The following PCYT1A variants were observed in gnomAD, a reference collection of about 807,000 sequenced individuals.
PCYT1A encodes choline-phosphate cytidylyltransferase A.
Under a neutral mutation model 43.7 loss-of-function variants are expected in PCYT1A, and 25 were observed. That is an observed-to-expected ratio of 0.57 (90% CI 0.42 to 0.80). The LOEUF is 0.80. PCYT1A is among the 30% of genes least tolerant of loss of function. The probability of loss-of-function intolerance (pLI) is 0.00; values close to 1 mark genes in which losing one functional copy is unlikely to be tolerated. For synonymous variants in PCYT1A, 172 were observed against 170.7 expected (o/e 1.01, Z -0.06); for missense variants, 421 against 474.2 (o/e 0.89, Z 1.04).
At chr3:196,248,021 G>A (rs1724623780) in intron 4 of PCYT1A, 186 bp downstream of exon 4, 3 of 606,260 alleles carry the variant, frequency 4.9e-6, no homozygotes, top group African/African-American at 1.8e-5. Context: ...GCACAGTCGA[G>A]GAGCTTGAAG....
chr3:196,262,326 A>G (rs1460350732), intron 2 of PCYT1A, among the ~76,000 whole-genome samples: 1 of 152,214 alleles, frequency 6.6e-6, no homozygotes, highest in African/African-American at 2.4e-5. Flanking sequence ...AGAAAACAAC[A>G]ATACCTGCCC....
In PCYT1A at chr3:196,235,121, G is replaced by A. The variant is rs1724125320; in HGVS notation, c.*3567C>T. 1.3e-5 allele frequency: 2 copies of A among 152,134 alleles called. No individual in the cohort carries two copies. The highest frequency in any genetic ancestry group is 2.4e-5 in the African/African-American group (1 of 41,434). The allele number at this position is 152,134 out of a possible 1,614,324, so 9.4% of individuals were successfully genotyped here. On this transcript the variant is annotated 3_prime_UTR_variant, in exon 9 of 9. Coordinates refer to ENST00000431016, the MANE Select transcript of PCYT1A (RefSeq NM_001312673.2). The surrounding 1 kb of genome is among the most constrained non-coding windows in gnomAD (Gnocchi z 4.3). ...GATTTTGGATAAGTGATCTGGAACA[G>A]GATTAAAAAGGCAAAGAGCTCTTGA...
intron 3 of PCYT1A, chr3:196,250,798 G>T (rs1427036757): frequency 1.8e-5 from 3 of 169,246 alleles, no homozygotes; most frequent in African/African-American, 7.3e-5. Context: ...CTATGCTGAG[G>T]ATCAGATACA....
chr3:196,270,574 C>A, intron 1 of PCYT1A, 33 bp from the exon 2 acceptor site: 1 of 1,437,496 alleles, frequency 7.0e-7, no homozygotes, highest in South Asian at 1.1e-5. Flanking sequence ...AAAATTTTCT[C>A]ATTGGGGTGG....
At chr3:196,260,675 C>T (rs1172501874) in intron 2 of PCYT1A, among the ~76,000 whole-genome samples, 8 of 152,126 alleles carry the variant, frequency 5.3e-5, no homozygotes, top group Non-Finnish European at 1.2e-4. Context: ...AATCCCATCT[C>T]TACTAAAAAT....
In PCYT1A at chr3:196,247,181, C is replaced by T. The variant is rs981615603; in HGVS notation, c.486+186G>A. The stretch of plus-strand genomic sequence containing the variant: ...AATGGATGTAAAAGTGCTTGCAAAC[C>T]ATCCAGCCCCATATAAACGTCAGGG... On this transcript the variant is annotated intron_variant, in intron 5 of 8. Transcript: ENST00000431016. This position sits in a 1 kb window ranked among gnomAD's most constrained non-coding sequence, Gnocchi z 4.8. Among the ~76,000 whole-genome samples the T allele has an allele frequency of 7.2e-5, 11 of 152,200 alleles. No homozygotes were observed. The highest frequency in any genetic ancestry group is 2.7e-4 in the African/African-American group (11 of 41,442).
At chr3:196,262,417 G>A (rs527823716) in intron 2 of PCYT1A, among the ~76,000 whole-genome samples, 13 of 152,306 alleles carry the variant, frequency 8.5e-5, no homozygotes, top group African/African-American at 2.9e-4. Flanking sequence ...GGCACTCGAC[G>A]AATTTGTCGT....
At chr3:196,239,405 G>A in intron 8 of PCYT1A, 142 bp downstream of exon 8, 1 of 541,048 alleles carries the variant, frequency 1.8e-6, no homozygotes, top group East Asian at 2.9e-5. Flanking sequence ...AACCTTGCTG[G>A]GGACAGTTGA....
chr3:196,266,860 G>A (rs942768996), intron 2 of PCYT1A, among the ~76,000 whole-genome samples: 2 of 151,862 alleles, frequency 1.3e-5, no homozygotes, highest in Admixed American at 1.3e-4. Context: ...CTGGGCAACA[G>A]AGTGAGACTC....
At chr3:196,284,188 T>C (rs1224496945) in intron 1 of PCYT1A, among the ~76,000 whole-genome samples, 2 of 152,192 alleles carry the variant, frequency 1.3e-5, no homozygotes, top group Non-Finnish European at 2.9e-5. Context: ...AACTCTACTA[T>C]TATTAGCAGA....
At position 196,238,816 on chromosome 3, in the gene PCYT1A, G is replaced by C. The variant is rs766301243; in HGVS notation, c.976C>G (p.Arg326Gly). Residue 326 changes from arginine to glycine, a missense_variant, in exon 9 of 9, where the codon CGC becomes GGC. Physicochemically the swap from Arg to Gly is moderately radical, Grantham distance 125. Transcript: ENST00000431016. ...PKQSPSSSPT[R>G]ERSPSPSFRW... Reference sequence around the variant, plus strand: ...AAAGAGGGGGAGGGGGAGCGCTCGCGAGTAGGGCTGCTGCTGGGGCTCTGC... The same window carrying C: ...AAAGAGGGGGAGGGGGAGCGCTCGCCAGTAGGGCTGCTGCTGGGGCTCTGC... 3.2e-6 allele frequency: 5 copies of C among 1,574,874 alleles called. No individual in the cohort carries two copies. The highest frequency in any genetic ancestry group is 4.3e-6 in the Non-Finnish European group (5 of 1,161,620).
chr3:196,242,833 A>T lies in PCYT1A; in HGVS notation c.487-193T>A. The T allele has an allele frequency of 1.7e-6, 1 of 604,064 alleles. No individual in the cohort carries two copies. The highest frequency in any genetic ancestry group is 3.0e-6 in the Non-Finnish European group (1 of 333,170). The allele number at this position is 604,064 out of a possible 1,614,324, so 37.4% of individuals were successfully genotyped here. Reference sequence around the variant, plus strand: ...CAACCTAATGATTTATGGAGTATACATATGAAGTTAGCCAGCTGCTTTTGT... The same window carrying T: ...CAACCTAATGATTTATGGAGTATACTTATGAAGTTAGCCAGCTGCTTTTGT... On this transcript the variant is annotated intron_variant, in intron 5 of 8. Transcript: ENST00000431016. The surrounding 1 kb of genome is among the most constrained non-coding windows in gnomAD (Gnocchi z 4.2).
intron 3 of PCYT1A, among the ~76,000 whole-genome samples, chr3:196,250,966 G>C (rs1407786738): frequency 6.8e-6 from 1 of 146,936 alleles, no homozygotes; most frequent in Non-Finnish European, 1.5e-5. Context: ...ACACTATGCT[G>C]AGGTTGAGGA....
At chr3:196,243,705 C>T (rs1038726770) in intron 5 of PCYT1A, among the ~76,000 whole-genome samples, 1 of 152,246 alleles carries the variant, frequency 6.6e-6, no homozygotes, top group African/African-American at 2.4e-5. Context: ...GACTGGTTTT[C>T]GTATTTTTTT....
chr3:196,258,748 C>T (rs936518107), intron 2 of PCYT1A, among the ~76,000 whole-genome samples: 1 of 152,060 alleles, frequency 6.6e-6, no homozygotes, highest in African/African-American at 2.4e-5. Context: ...CTACCCGACA[C>T]CCAGCTGATT....
chr3:196,248,466 G>A (rs1057445722), intron 3 of PCYT1A, 143 bp from the exon 4 acceptor site: 2 of 500,302 alleles, frequency 4.0e-6, no homozygotes, highest in African/African-American at 3.9e-5. Flanking sequence ...CCGCCTCCTG[G>A]GTTCAAGTGA....
At chr3:196,250,841 C>G (rs1328990446) in intron 3 of PCYT1A, among the ~76,000 whole-genome samples, 2 of 150,816 alleles carry the variant, frequency 1.3e-5, no homozygotes, top group African/African-American at 4.9e-5. Flanking sequence ...ATACACTATG[C>G]TGAGGATCAG....
chr3:196,266,126 G>C (rs1358716843), intron 2 of PCYT1A, among the ~76,000 whole-genome samples: 1 of 151,800 alleles, frequency 6.6e-6, no homozygotes, highest in Non-Finnish European at 1.5e-5. Flanking sequence ...TAAAAGGAAG[G>C]TCTTGTTTAT....
chr3:196,278,576 G>A (rs868824338), intron 1 of PCYT1A, among the ~76,000 whole-genome samples: 65 of 152,164 alleles, frequency 4.3e-4, no homozygotes, highest in Admixed American at 2.4e-3. Context: ...GAGACAGGAA[G>A]AAAAGTATTT....
Sources: gnomAD v4.1 joint callset for allele counts (sites outside exome capture counted in the v4.1 genomes callset) on GRCh38, gnomAD v4.1.1 for gene constraint, Gnocchi (gnomAD v3.1) non-coding constraint, MANE v1.5 for transcripts, NCBI Gene and HGNC (gene_info 2026-07-23, HGNC 2026-07-21) for gene names.